Variants in HOOK3 observed in about 807,000 individuals in gnomAD.
HOOK3 encodes the protein protein Hook homolog 3.
In HOOK3, 24 loss-of-function variants were observed where a neutral mutation model predicts 116.3. The observed-to-expected ratio is 0.21, with a 90% CI of 0.15 to 0.29. The LOEUF is 0.29. Ranked by LOEUF, HOOK3 falls within the 10% of genes least tolerant of loss-of-function variation. HOOK3 has a pLI of 1.00. For missense variants in HOOK3, 632 were observed against 830.2 expected, an observed-to-expected ratio of 0.76 and a Z score of 2.93; for synonymous variants, 275 against 283.0, an observed-to-expected ratio of 0.97 and a Z score of 0.28.
At position 42,997,528 on chromosome 8, in the gene HOOK3, T is replaced by C. The variant is rs538106800; in HGVS notation, c.1533-22T>C. ...CATACGTAACTCACCACTTGGAAAA[T>C]TAATGTACATTTCATTTCTAGGCTG... On this transcript the variant is annotated intron_variant, in intron 15 of 21. Transcript: ENST00000307602. The C allele has an allele frequency of 2.1e-5, 32 of 1,503,434 alleles. No homozygotes were observed. The South Asian group carries it at 3.3e-4, about 15-fold the overall frequency. The allele number at this position is 1,503,434 out of a possible 1,614,324, so 93.1% of individuals were successfully genotyped here. A position where few individuals can be genotyped will look rare whatever the true frequency, so the allele number is the denominator to read the frequency against.
chr8:42,963,855 T>TG (rs1195802770), intron 8 of HOOK3, among the ~76,000 whole-genome samples: 1 of 152,222 alleles, frequency 6.6e-6, no homozygotes, highest in Admixed American at 6.5e-5. Context: ...GCTCTGCACG[T>TG]GCAGTATTCC....
At chr8:42,927,914 A>G (rs1807799640) in intron 3 of HOOK3, among the ~76,000 whole-genome samples, 1 of 152,196 alleles carries the variant, frequency 6.6e-6, no homozygotes, top group Non-Finnish European at 1.5e-5. Flanking sequence ...TGGGAGGTCA[A>G]GGCGGGTGGA....
intron 13 of HOOK3, among the ~76,000 whole-genome samples, chr8:42,977,735 T>TACAG (rs1808855291): frequency 6.6e-6 from 1 of 151,972 alleles, no homozygotes; most frequent in Admixed American, 6.6e-5. Context: ...GGCATGGTGG[T>TACAG]GCGTGCCTGT....
chr8:42,968,064 A>C lies in HOOK3; in HGVS notation c.972A>C (p.Lys324Asn), dbSNP rs1428256958. 1 of 1,607,356 alleles carries C rather than the reference A, an allele frequency of 6.2e-7. No individual in the cohort carries two copies. Among genetic ancestry groups the C allele is most frequent in the Non-Finnish European group, 8.5e-7 (1 of 1,174,096 alleles). ...TAGAAGGTCAAGTAGAATCTTATAA[A>C]AAGAAGCTAGAAGACCTTGGTGATT... ...SKLEGQVESYKKKLEDLGDLR... is the reference protein window; with the variant it reads ...SKLEGQVESYNKKLEDLGDLR... The change falls in exon 11 of 22, where the codon AAA (lysine) becomes AAC (asparagine). Residue 324 changes from lysine to asparagine, a missense_variant. This residue lies in a region of HOOK3 where 483 missense variants were observed against 648.1 expected (regional missense o/e 0.75). Coordinates refer to ENST00000307602, the MANE Select transcript of HOOK3 (RefSeq NM_032410.4).
intron 5 of HOOK3, among the ~76,000 whole-genome samples, chr8:42,947,742 CTGCTGT>C (rs2130392179): frequency 6.6e-6 from 1 of 152,254 alleles, no homozygotes; most frequent in African/African-American, 2.4e-5. Flanking sequence ...TAAAGCAGTT[CTGCTGT>C]TTACTACCTG....
chr8:42,978,071 A>G (rs1335325637), intron 13 of HOOK3, among the ~76,000 whole-genome samples: 1 of 152,208 alleles, frequency 6.6e-6, no homozygotes, highest in Non-Finnish European at 1.5e-5. Context: ...AATGAGAATC[A>G]TAACTTATTT....
At position 43,002,157 on chromosome 8, in the gene HOOK3, G is replaced by T; in HGVS notation, c.1655+16G>T. ...AAGAACATCTGTAAGTATAAAAGCT[G>T]TTGAGGCTGATTCTTCTATAGTGGA... On this transcript the variant is annotated intron_variant, in intron 17 of 21. Transcript: ENST00000307602. 1 of 1,590,126 alleles carries T rather than the reference G, an allele frequency of 6.3e-7. No homozygotes were observed. Among genetic ancestry groups the T allele is most frequent in the Admixed American group, 1.7e-5 (1 of 59,880 alleles).
intron 2 of HOOK3, among the ~76,000 whole-genome samples, chr8:42,919,209 G>T (rs1478424295): frequency 5.4e-5 from 8 of 148,564 alleles, no homozygotes; most frequent in South Asian, 2.2e-4. Context: ...GGGCAGAGGG[G>T]CTCCTCACTT....
chr8:42,942,318 A>G (rs1014775626), intron 4 of HOOK3, among the ~76,000 whole-genome samples: 1 of 152,216 alleles, frequency 6.6e-6, no homozygotes, highest in Non-Finnish European at 1.5e-5. Flanking sequence ...TTACTTTTTC[A>G]TTGTAGAATA....
intron 10 of HOOK3, among the ~76,000 whole-genome samples, chr8:42,967,228 A>G (rs1563303257): frequency 6.6e-6 from 1 of 151,800 alleles, no homozygotes. Context: ...TCTCACTCAT[A>G]GCCATTCTGA....
At chr8:42,966,718 G>T in intron 10 of HOOK3, 105 bp downstream of exon 10, 1 of 1,247,590 alleles carries the variant, frequency 8.0e-7, no homozygotes, top group Non-Finnish European at 1.1e-6. Context: ...CCTGGGCTGG[G>T]ATCCCGGGTC....
At chr8:42,929,583 C>G (rs1444515166) in intron 3 of HOOK3, among the ~76,000 whole-genome samples, 1 of 152,146 alleles carries the variant, frequency 6.6e-6, no homozygotes, top group Non-Finnish European at 1.5e-5. Context: ...AACATTATGG[C>G]TCATAAATAC....
At chr8:42,951,387 G>A (rs1171434580) in intron 6 of HOOK3, among the ~76,000 whole-genome samples, 1 of 152,138 alleles carries the variant, frequency 6.6e-6, no homozygotes, top group Admixed American at 6.6e-5. Context: ...TAAACCAGCA[G>A]TCTTCCTCAC....
intron 10 of HOOK3, among the ~76,000 whole-genome samples, chr8:42,967,261 G>A (rs1241128349): frequency 3.3e-5 from 5 of 151,856 alleles, no homozygotes; most frequent in African/African-American, 1.2e-4. Context: ...CTACTCCCCG[G>A]CTGCCCTCCA....
chr8:42,937,316 A>G lies in HOOK3; in HGVS notation c.268-5997A>G, dbSNP rs9694599. On this transcript the variant is annotated intron_variant, in intron 4 of 21. Coordinates refer to ENST00000307602, the MANE Select transcript of HOOK3 (RefSeq NM_032410.4). ...AGTCTGGCCAGTGGTCTATTTTGTT[A>G]ATCTTTTAAAAAAAAACCAGCTCCT... Among the ~76,000 whole-genome samples, 313 of 134,660 alleles carry G rather than the reference A, an allele frequency of 2.3e-3. 3 individuals are homozygous for G. Among genetic ancestry groups the G allele is most frequent in the South Asian group, 0.012 (53 of 4,406 alleles). 88.3% of individuals were successfully genotyped at this position (134,660 alleles called of 152,430 possible).
At chr8:43,017,188 T>C (rs760057161) in intron 21 of HOOK3, among the ~76,000 whole-genome samples, 12 of 152,234 alleles carry the variant, frequency 7.9e-5, no homozygotes. Context: ...TGCTGCCAGC[T>C]TCTGCTTATG....
At chr8:42,940,342 C>G (rs1011574297) in intron 4 of HOOK3, among the ~76,000 whole-genome samples, 1 of 152,194 alleles carries the variant, frequency 6.6e-6, no homozygotes, top group Non-Finnish European at 1.5e-5. Flanking sequence ...ACCAGTCAGG[C>G]GTGGCGGCGC....
intron 7 of HOOK3, among the ~76,000 whole-genome samples, chr8:42,958,375 T>C (rs543644016): frequency 9.3e-4 from 142 of 152,238 alleles, no homozygotes; most frequent in African/African-American, 3.2e-3. Flanking sequence ...TAAAATTTTC[T>C]TTTAATCAAT....
intron 17 of HOOK3, among the ~76,000 whole-genome samples, chr8:43,004,445 C>T (rs1018058561): frequency 2.0e-5 from 3 of 150,062 alleles, no homozygotes; most frequent in African/African-American, 7.4e-5. Context: ...CTTTGGGAGG[C>T]CGAGGCAGGT....
Sources: gnomAD v4.1 joint callset for allele counts (sites outside exome capture counted in the v4.1 genomes callset) on GRCh38, gnomAD v4.1.1 for gene constraint, gnomAD v4.1.1 regional missense constraint, MANE v1.5 for transcripts, NCBI Gene and HGNC (gene_info 2026-07-23, HGNC 2026-07-21) for gene names.